ITGB8: variants seen among roughly 807,000 people sequenced by gnomAD.
ITGB8 encodes integrin subunit beta 8, also known as integrin beta-8.
A neutral mutation model predicts 89.5 loss-of-function variants in ITGB8; 30 were observed. The observed-to-expected ratio is 0.34, with a 90% confidence interval of 0.25 to 0.45. The LOEUF is 0.45. Ranked by LOEUF, ITGB8 falls within the 20% of genes least tolerant of loss-of-function variation. ITGB8 has a pLI of 1.00. For missense variants in ITGB8, 836 were observed against 933.3 expected, an observed-to-expected ratio of 0.90 and a Z score of 1.36; for synonymous variants, 335 against 320.4, an observed-to-expected ratio of 1.05 and a Z score of -0.49.
chr7:20,351,262 AT>A (rs1785104490), intron 1 of ITGB8, among the ~76,000 whole-genome samples: 1 of 152,184 alleles, frequency 6.6e-6, no homozygotes, highest in Admixed American at 6.5e-5. Flanking sequence ...CTTTGGAATA[AT>A]TTTCTTTTTT....
At chr7:20,359,110 C>T (rs1456899182) in intron 1 of ITGB8, among the ~76,000 whole-genome samples, 1 of 152,126 alleles carries the variant, frequency 6.6e-6, no homozygotes, top group African/African-American at 2.4e-5. Flanking sequence ...TCCAGCCCAC[C>T]ATTGAAGGGC....
chr7:20,363,729 C>T lies in ITGB8; in HGVS notation c.213+7C>T. On this transcript the variant is annotated splice_region_variant and intron_variant, in intron 2 of 13. Transcript: ENST00000222573. ...TGGATGGTGTGTTCAAGAGGTGTGC[C>T]ATTTTTTTTTTTCTTTTTCTCATGG... is the stretch of plus-strand genomic sequence containing the variant. The T allele has an allele frequency of 6.8e-7, 1 of 1,473,674 alleles. No homozygotes were observed. Among genetic ancestry groups the T allele is most frequent in the Non-Finnish European group, 8.9e-7 (1 of 1,117,920 alleles). The allele number at this position is 1,473,674 out of a possible 1,614,324, so 91.3% of individuals were successfully genotyped here. A position where few individuals can be genotyped will look rare whatever the true frequency, so the allele number is the denominator to read the frequency against.
rs1027012717 is a variant in ITGB8 at position 20,330,941 on chromosome 7, G to A, written c.-866G>A. On this transcript the variant is annotated 5_prime_UTR_variant, in exon 1 of 14. Coordinates refer to ENST00000222573, the MANE Select transcript of ITGB8 (RefSeq NM_002214.3). ...TCGGGCTCTGGACTGCGGGACGCCT[G>A]AGCCGCGCACTGAGGCGAAAAGGAC... 5 of 152,352 alleles carry A rather than the reference G, an allele frequency of 3.3e-5. No individual in the cohort carries two copies. The highest frequency in any genetic ancestry group is 1.2e-4 in the African/African-American group (5 of 41,462). 9.4% of individuals were successfully genotyped at this position (152,352 alleles called of 1,614,324 possible). A position where few individuals can be genotyped will look rare whatever the true frequency, so the allele number is the denominator to read the frequency against.
At chr7:20,403,583 G>A (rs1164579767) in intron 10 of ITGB8, among the ~76,000 whole-genome samples, 1 of 152,212 alleles carries the variant, frequency 6.6e-6, no homozygotes, top group African/African-American at 2.4e-5. Context: ...AGCCTGCACA[G>A]CACAGAGGGC....
At chr7:20,332,067 G>T in intron 1 of ITGB8, 134 bp downstream of exon 1, 1 of 1,456,742 alleles carries the variant, frequency 6.9e-7, no homozygotes, top group Non-Finnish European at 9.1e-7. Flanking sequence ...CGGGTGCGGG[G>T]CAGCGTCCTC....
At chr7:20,369,244 A>G (rs551833127) in intron 3 of ITGB8, among the ~76,000 whole-genome samples, 2 of 152,320 alleles carry the variant, frequency 1.3e-5, no homozygotes, top group South Asian at 4.1e-4. Context: ...TAGAAAAATA[A>G]TAAACAGTCT....
At chr7:20,409,846 G>C (rs1583551137) in intron 13 of ITGB8, 29 bp from the exon 14 acceptor site, 2 of 1,611,152 alleles carry the variant, frequency 1.2e-6, no homozygotes. Context: ...TAGGCCCTTA[G>C]TTAATAATAA....
At chr7:20,351,771 C>A (rs550344450) in intron 1 of ITGB8, among the ~76,000 whole-genome samples, 1 of 152,120 alleles carries the variant, frequency 6.6e-6, no homozygotes, top group Non-Finnish European at 1.5e-5. Context: ...ACACCTGCAA[C>A]GTGACTTTAA....
At chr7:20,394,392 G>A (rs1786987458) in intron 7 of ITGB8, among the ~76,000 whole-genome samples, 1 of 152,152 alleles carries the variant, frequency 6.6e-6, no homozygotes, top group Non-Finnish European at 1.5e-5. Context: ...TTCCACTTGT[G>A]ACTATGATTT....
At chr7:20,376,294 G>A (rs3807946) in intron 3 of ITGB8, among the ~76,000 whole-genome samples, 9,639 of 152,154 alleles carry the variant, frequency 0.063, 462 homozygotes, top group East Asian at 0.18. Flanking sequence ...ACCCTGAAAT[G>A]GGTCATAGTA....
chr7:20,409,058 C>T lies in ITGB8; in HGVS notation c.2024-557C>T, dbSNP rs368877293. 5.3e-5 allele frequency among the ~76,000 whole-genome samples: 8 copies of T among 152,268 alleles called. No individual in the cohort carries two copies. In the East Asian group the frequency reaches 5.8e-4, roughly 11 times the overall value. On this transcript the variant is annotated intron_variant, in intron 12 of 13. Coordinates refer to ENST00000222573, the MANE Select transcript of ITGB8 (RefSeq NM_002214.3). Reference sequence around the variant, plus strand: ...TGTATAATAAGAATGAAAATTTACACTTCAATTTCTGAAGAAATATTTATT... The same window carrying T: ...TGTATAATAAGAATGAAAATTTACATTTCAATTTCTGAAGAAATATTTATT...
At chr7:20,403,334 A>G (rs752853410) in intron 10 of ITGB8, among the ~76,000 whole-genome samples, 9 of 152,202 alleles carry the variant, frequency 5.9e-5, no homozygotes, top group East Asian at 3.8e-4. Flanking sequence ...ACAGCTGTCA[A>G]TCTCTCAAGA....
intron 1 of ITGB8, among the ~76,000 whole-genome samples, chr7:20,343,241 C>T (rs1203235383): frequency 1.3e-5 from 2 of 152,160 alleles, no homozygotes; most frequent in Non-Finnish European, 2.9e-5. Context: ...GATCCGGCTG[C>T]CTGGGCTGAC....
chr7:20,405,005 A>G (rs1787475409), intron 11 of ITGB8, 152 bp downstream of exon 11: 1 of 713,030 alleles, frequency 1.4e-6, no homozygotes, highest in African/African-American at 1.8e-5. Context: ...AGAAGACTTG[A>G]ATTCAAATCT....
At chr7:20,338,766 A>T (rs1784657112) in intron 1 of ITGB8, among the ~76,000 whole-genome samples, 1 of 152,200 alleles carries the variant, frequency 6.6e-6, no homozygotes, top group South Asian at 2.1e-4. Context: ...TAATAACTAA[A>T]TCCCTTTTGG....
chr7:20,340,186 G>A (rs1784709314), intron 1 of ITGB8, among the ~76,000 whole-genome samples: 1 of 152,120 alleles, frequency 6.6e-6, no homozygotes, highest in South Asian at 2.1e-4. Flanking sequence ...GTTTTGCTTT[G>A]TTGTAATCAA....
At position 20,412,244 on chromosome 7, in the gene ITGB8, C is replaced by T. The variant is rs1185760961; in HGVS notation, c.*2247C>T. On this transcript the variant is annotated 3_prime_UTR_variant, in exon 14 of 14. Coordinates refer to ENST00000222573, the MANE Select transcript of ITGB8 (RefSeq NM_002214.3). The stretch of plus-strand genomic sequence containing the variant: ...CTAACTTGAACTGCATTTCCTTCCT[C>T]AAATGAGAGATTGACATAATTCAGT... The T allele has an allele frequency of 1.3e-5, 2 of 152,588 alleles. No homozygotes were observed. The highest frequency in any genetic ancestry group is 2.9e-5 in the Non-Finnish European group (2 of 68,030). 9.5% of individuals were successfully genotyped at this position (152,588 alleles called of 1,614,324 possible). A position where few individuals can be genotyped will look rare whatever the true frequency, so the allele number is the denominator to read the frequency against.
intron 1 of ITGB8, among the ~76,000 whole-genome samples, chr7:20,361,094 C>G (rs892119170): frequency 1.3e-5 from 2 of 151,880 alleles, no homozygotes; most frequent in Non-Finnish European, 2.9e-5. Flanking sequence ...TTGCATTTCT[C>G]TAATGATCGG....
chr7:20,335,444 G>A (rs960442833), intron 1 of ITGB8, among the ~76,000 whole-genome samples: 1 of 152,232 alleles, frequency 6.6e-6, no homozygotes, highest in African/African-American at 2.4e-5. Flanking sequence ...TCTGCTTCCC[G>A]TGACAAATGT....
Sources: allele counts gnomAD v4.1 joint callset (sites outside exome capture counted in the v4.1 genomes callset), GRCh38; gene constraint gnomAD v4.1.1; transcripts MANE v1.5; gene names NCBI Gene and HGNC (gene_info 2026-07-23, HGNC 2026-07-21).